The following EPS8L1 variants were observed in gnomAD, a reference collection of about 807,000 sequenced individuals.
EPS8L1 encodes epidermal growth factor receptor kinase substrate 8-like protein 1.
A neutral mutation model predicts 91.7 loss-of-function variants in EPS8L1; 101 were observed. The ratio of observed to expected loss-of-function variants is 1.10; its 90% CI spans 0.94 to 1.30. The LOEUF is 1.30. Ranked by LOEUF, EPS8L1 falls within the 50% of genes most tolerant of loss-of-function variation. The pLI, the probability that EPS8L1 is intolerant of heterozygous loss-of-function variation, is 0.00. For synonymous variants in EPS8L1, 506 were observed against 445.3 expected, an observed-to-expected ratio of 1.14 and a Z score of -1.72; for missense variants, 1,114 against 1,017.0, an observed-to-expected ratio of 1.10 and a Z score of -1.30.
Position 55,079,022 on chromosome 19 carries a change from G to A in EPS8L1, c.82G>A (p.Val28Ile), listed in dbSNP as rs1425743761. ...AGAGCAGAGGAAGCGTTACTCCACA[G>A]TTGTTATGGCTGATGTATCCCAGTA... ...IYEQRKRYSTVVMADVSQYPV... is the reference protein window; with the variant it reads ...IYEQRKRYSTIVMADVSQYPV... Residue 28 changes from valine to isoleucine, a missense_variant, in exon 4 of 20, where the codon GTT (valine) becomes ATT (isoleucine). Coordinates refer to ENST00000201647, the MANE Select transcript of EPS8L1 (RefSeq NM_133180.3). 1 of 1,614,052 alleles carries A rather than the reference G, an allele frequency of 6.2e-7. No individual in the cohort carries two copies. Among genetic ancestry groups the A allele is most frequent in the Non-Finnish European group, 8.5e-7 (1 of 1,179,954 alleles).
chr19:55,087,426 G>A lies in EPS8L1; in HGVS notation c.2076G>A (p.Ser692=), dbSNP rs778048837. Residue 692 remains serine (S), a synonymous_variant, in exon 19 of 20, where the codon TCG becomes TCA. Transcript: ENST00000201647. Reference sequence around the variant, plus strand: ...ACAGCCAGGTCACCGTGCAGCGCTCGCTGCTGGAGGTGAGCCGGACCGCTG... The same window carrying A: ...ACAGCCAGGTCACCGTGCAGCGCTCACTGCTGGAGGTGAGCCGGACCGCTG... ...RVYSQVTVQR[S]LLEDKEKVSE... 16 of 1,614,036 alleles carry A rather than the reference G, an allele frequency of 9.9e-6. No homozygotes were observed. The highest frequency in any genetic ancestry group is 1.4e-5 in the Non-Finnish European group (16 of 1,180,034).
rs530485720 is a variant in EPS8L1, at chr19:55,087,085, C to T, written c.1952+197C>T. On this transcript the variant is annotated intron_variant, in intron 18 of 19. Transcript: ENST00000201647. ...TGTTTTTTCAGACTCCGACTGGATT[C>T]CTTAGGGAAATCCCGTACCCTTTGA... The T allele has an allele frequency of 4.8e-6, 5 of 1,050,788 alleles. No individual in the cohort carries two copies. In the East Asian group the frequency reaches 1.4e-4, roughly 29 times the overall value. 65.1% of individuals were successfully genotyped at this position (1,050,788 alleles called of 1,614,324 possible).
At chr19:55,079,976 TGA>T in intron 5 of EPS8L1, 125 bp downstream of exon 5, 1 of 1,444,870 alleles carries the variant, frequency 6.9e-7, no homozygotes, top group South Asian at 1.4e-5. Context: ...GCCCCCTTCT[TGA>T]GCCTTAATAG....
chr19:55,082,752 CAG>C, intron 12 of EPS8L1, 150 bp downstream of exon 12: 1 of 728,718 alleles, frequency 1.4e-6, no homozygotes, highest in Non-Finnish European at 2.2e-6. Context: ...GGGCTTAGGA[CAG>C]ATGCCAAGAT....
rs774900113 is a variant in EPS8L1 at position 55,080,798 on chromosome 19, G to C, written c.456G>C (p.Gln152His). Residue 152 changes from glutamine to histidine, a missense_variant, in exon 7 of 20, where the codon CAG becomes CAC. By Grantham distance (24) the Gln-to-His change is conservative (BLOSUM62 0). Coordinates refer to ENST00000201647, the MANE Select transcript of EPS8L1 (RefSeq NM_133180.3). The stretch of plus-strand genomic sequence containing the variant: ...CGGAGCTGATCCGAGAGGACATCCA[G>C]GGGGCTCTGCACAATTACCGCTCGG... The part of the protein sequence containing the change: ...LGAELIREDI[Q>H]GALHNYRSGR... 4.3e-6 allele frequency: 7 copies of C among 1,611,832 alleles called. No individual in the cohort carries two copies. The highest frequency in any genetic ancestry group is 3.3e-5 in the South Asian group (3 of 90,806).
At position 55,082,347 on chromosome 19, in the gene EPS8L1, A is replaced by T. The variant is rs776977212; in HGVS notation, c.1063A>T (p.Met355Leu). Residue 355 changes from methionine to leucine, a missense_variant and splice_region_variant, in exon 11 of 20, where the codon ATG becomes TTG. Transcript: ENST00000201647. ...GCACTTCCTTTTCGGGCCTCTGCAGATGGTGAGACCCGCCCCAGGCCCTCG... is the reference window on the plus strand; with the variant it reads ...GCACTTCCTTTTCGGGCCTCTGCAGTTGGTGAGACCCGCCCCAGGCCCTCG... ...LLHFLFGPLQ[M>L]IVNTSGGPEF... 14 of 1,612,586 alleles carry T rather than the reference A, an allele frequency of 8.7e-6. No homozygotes were observed. In the South Asian group the frequency reaches 1.5e-4, roughly 18 times the overall value.
intron 6 of EPS8L1, 199 bp downstream of exon 6, chr19:55,080,477 G>T: frequency 6.2e-7 from 1 of 1,613,702 alleles, no homozygotes; most frequent in Non-Finnish European, 8.5e-7. Context: ...GATAGAACAT[G>T]AAGGTGGGAT....
rs1016576741 is a variant in EPS8L1, at chr19:55,083,622, G to GC, written c.1369dup (p.Gln457ProfsTer15). On this transcript the variant is annotated frameshift_variant, in exon 14 of 20. Transcript: ENST00000201647. LOFTEE classifies it high-confidence loss of function. The surrounding 1 kb of genome is among the most constrained non-coding windows in gnomAD (Gnocchi z 4.7). ...ACTGTCTTACTTCCTACAGCAAAGC[G>GC]CCCCCCAGGTCGCTGTCAATGGGTG... 14 of 1,595,918 alleles carry GC rather than the reference G, an allele frequency of 8.8e-6. No homozygotes were observed. Among genetic ancestry groups the GC allele is most frequent in the African/African-American group, 1.3e-5 (1 of 74,714 alleles).
chr19:55,082,663 G>A (rs1602944321), intron 12 of EPS8L1, 61 bp downstream of exon 12: 1 of 1,462,632 alleles, frequency 6.8e-7, no homozygotes, highest in Non-Finnish European at 9.2e-7. Context: ...GGCGCTGGGA[G>A]GTGGGTGGCA....
Position 55,081,597 on chromosome 19 carries a change from A to G in EPS8L1, c.774+105A>G, listed in dbSNP as rs1178315603. The G allele has an allele frequency of 2.7e-6, 2 of 747,432 alleles. No individual in the cohort carries two copies. Among genetic ancestry groups the G allele is most frequent in the Admixed American group, 8.5e-5 (2 of 23,462 alleles). 46.3% of individuals were successfully genotyped at this position (747,432 alleles called of 1,614,324 possible). A position where few individuals can be genotyped will look rare whatever the true frequency, so the allele number is the denominator to read the frequency against. On this transcript the variant is annotated intron_variant, in intron 8 of 19. Coordinates refer to ENST00000201647, the MANE Select transcript of EPS8L1 (RefSeq NM_133180.3). This position sits in a 1 kb window ranked among gnomAD's most constrained non-coding sequence, Gnocchi z 4.9. ...TGCGGGACGGGCGTTCTCTGGTCAGACTTCTGCGTTATGGAAGAGGGGCTG... is the reference window on the plus strand; with the variant it reads ...TGCGGGACGGGCGTTCTCTGGTCAGGCTTCTGCGTTATGGAAGAGGGGCTG...
chr19:55,081,186 A>AC lies in EPS8L1; in HGVS notation c.513-41dup. The AC allele has an allele frequency of 4.1e-6, 6 of 1,473,360 alleles. No individual in the cohort carries two copies. In the South Asian group the frequency reaches 8.4e-5, roughly 21 times the overall value. The allele number at this position is 1,473,360 out of a possible 1,614,324, so 91.3% of individuals were successfully genotyped here. On this transcript the variant is annotated intron_variant, in intron 7 of 19. Coordinates refer to ENST00000201647, the MANE Select transcript of EPS8L1 (RefSeq NM_133180.3). The surrounding 1 kb of genome is among the most constrained non-coding windows in gnomAD (Gnocchi z 4.9). ...GCGCCCTGGATTTCCCCCTCCCTGG[A>AC]CCCCTCAGTGGACCCAGTCTTGGTG...
At chr19:55,082,247 G>C in intron 10 of EPS8L1, 28 bp from the exon 11 acceptor site, 1 of 1,604,492 alleles carries the variant, frequency 6.2e-7, no homozygotes, top group Non-Finnish European at 8.5e-7. Context: ...CCGCACCCAC[G>C]CCAACCACCT....
At chr19:55,084,420 AG>A (rs2076336062) in intron 14 of EPS8L1, 1 of 152,604 alleles carries the variant, frequency 6.6e-6, no homozygotes, top group African/African-American at 2.4e-5. Context: ...GGAGGGAAGG[AG>A]GTAGATGGAC....
chr19:55,086,626 CG>C, intron 17 of EPS8L1, 87 bp from the exon 18 acceptor site: 20 of 1,512,122 alleles, frequency 1.3e-5, no homozygotes, highest in Non-Finnish European at 1.8e-5. Context: ...ATTCTGGGGA[CG>C]CTGGAGCGCC....
Position 55,080,823 on chromosome 19 carries a change from G to A in EPS8L1, c.481G>A (p.Gly161Ser). 3.7e-6 allele frequency: 6 copies of A among 1,611,722 alleles called. No individual in the cohort carries two copies. The highest frequency in any genetic ancestry group is 5.1e-6 in the Non-Finnish European group (6 of 1,178,862). The change falls in exon 7 of 20, where the codon GGC (glycine) becomes AGC (serine). Residue 161 changes from glycine to serine, a missense_variant. Coordinates refer to ENST00000201647, the MANE Select transcript of EPS8L1 (RefSeq NM_133180.3). ...IQGALHNYRS[G>S]RGERRAAALR... ...GGGGGCTCTGCACAATTACCGCTCG[G>A]GCCGCGGGGAGCGCAGGGCGGCGGC...
chr19:55,076,585 C>T lies in EPS8L1; in HGVS notation c.17+124C>T, dbSNP rs375523808. ...GCGGCCCAGACTCTGGCCCAAGCCC[C>T]GACACTCAGGAGGAAGCCAGAGCCT... On this transcript the variant is annotated intron_variant, in intron 2 of 19. Transcript: ENST00000201647. 575 of 1,198,148 alleles carry T rather than the reference C, an allele frequency of 4.8e-4. 4 individuals carry two copies. In the East Asian group the frequency reaches 0.01, roughly 21 times the overall value. 74.2% of individuals were successfully genotyped at this position (1,198,148 alleles called of 1,614,324 possible).
rs774748566 is a variant in EPS8L1 at position 55,076,474 on chromosome 19, G to A, written c.17+13G>A. On this transcript the variant is annotated intron_variant, in intron 2 of 19. Transcript: ENST00000201647. Reference sequence around the variant, plus strand: ...GCACCGCCACAGGGTAAGCGCCCCCGGACCCCAGGTCCCAGCCCCAGCACG... The same window carrying A: ...GCACCGCCACAGGGTAAGCGCCCCCAGACCCCAGGTCCCAGCCCCAGCACG... The A allele has an allele frequency of 6.2e-6, 10 of 1,611,078 alleles. No homozygotes were observed. Among genetic ancestry groups the A allele is most frequent in the Admixed American group, 1.7e-5 (1 of 59,870 alleles).
chr19:55,076,910 A>T (rs1428920982), intron 2 of EPS8L1, among the ~76,000 whole-genome samples: 1 of 152,216 alleles, frequency 6.6e-6, no homozygotes, highest in Non-Finnish European at 1.5e-5. Context: ...GGCTGTTTAT[A>T]ATGAAGACTC....
chr19:55,082,297 C>A lies in EPS8L1; in HGVS notation c.1013C>A (p.Ala338Asp). 4.3e-6 allele frequency: 7 copies of A among 1,612,334 alleles called. No homozygotes were observed. Among genetic ancestry groups the A allele is most frequent in the Non-Finnish European group, 5.9e-6 (7 of 1,179,684 alleles). ...CAGGCCCGGCTGCGCGGCAACATCG[C>A]CGACCCCTCCTCTCCGGAGCTGTTG... ...SLLARLRGNI[A>D]DPSSPELLHF... The change falls in exon 11 of 20, where the codon GCC (alanine) becomes GAC (aspartate). Residue 338 changes from alanine to aspartate, a missense_variant. Ala to Asp is a moderately radical substitution (Grantham distance 126). Transcript: ENST00000201647.
Sources: gnomAD v4.1 joint callset for allele counts (sites outside exome capture counted in the v4.1 genomes callset) on GRCh38, gnomAD v4.1.1 for gene constraint, Gnocchi (gnomAD v3.1) non-coding constraint, MANE v1.5 for transcripts, NCBI Gene and HGNC (gene_info 2026-07-23, HGNC 2026-07-21) for gene names.